Variants in TUSC3 observed in about 807,000 individuals in gnomAD.
The protein encoded by TUSC3 is dolichyl-diphosphooligosaccharide--protein glycosyltransferase subunit TUSC3.
Under a neutral mutation model 44.8 loss-of-function variants are expected in TUSC3, and 45 were observed. The ratio of observed to expected loss-of-function variants is 1.00; its 90% CI spans 0.79 to 1.29. The LOEUF is 1.29. Ranked by LOEUF, TUSC3 falls within the 50% of genes most tolerant of loss-of-function variation. The pLI is 0.00. For missense variants in TUSC3, 519 were observed against 437.9 expected (o/e 1.19, Z -1.65); for synonymous variants, 212 against 152.9 (o/e 1.39, Z -2.85).
chr8:15,459,154 G>C lies in TUSC3; in HGVS notation n.92-24232G>C, dbSNP rs138661212. Among the ~76,000 whole-genome samples, 547 of 152,206 alleles carry C rather than the reference G, an allele frequency of 3.6e-3. 1 individual carries two copies. Among genetic ancestry groups the C allele is most frequent in the African/African-American group, 0.012 (509 of 41,520 alleles). ...AAAGTCCTGCAAATATGACAAAAGT[G>C]ACATGACAAAGCTTCATCACTATGA... is the stretch of plus-strand genomic sequence containing the variant. On this transcript the variant is annotated intron_variant and non_coding_transcript_variant, in intron 1 of 5. Coordinates refer to the TUSC3 transcript ENST00000503191.
At chr8:15,792,006 TA>T in the TUSC3 span, among the ~76,000 whole-genome samples, 6 of 151,646 alleles carry the variant, frequency 4.0e-5, no homozygotes, top group Admixed American at 6.6e-5. Flanking sequence ...CTTTCTAACA[TA>T]AAAAAAAGCC....
chr8:15,623,259 G>T lies in TUSC3; in HGVS notation c.308+10G>T, dbSNP rs780176644. On this transcript the variant is annotated intron_variant, in intron 2 of 10. Transcript: ENST00000503731. ...AGTGTTCTGTGTGCAGGTAATTTAT[G>T]TAATTAAAAAATATTAAAAACTATT... 1.9e-6 allele frequency: 3 copies of T among 1,574,180 alleles called. No homozygotes were observed. Among genetic ancestry groups the T allele is most frequent in the East Asian group, 2.3e-5 (1 of 44,104 alleles).
the TUSC3 span, among the ~76,000 whole-genome samples, chr8:15,772,186 A>G: frequency 2.0e-5 from 3 of 152,116 alleles, no homozygotes; most frequent in Non-Finnish European, 4.4e-5. Context: ...AAGCAGATGT[A>G]TAGAAATAAA....
the TUSC3 span, among the ~76,000 whole-genome samples, chr8:15,831,912 G>C: frequency 6.6e-6 from 1 of 152,036 alleles, no homozygotes; most frequent in Non-Finnish European, 1.5e-5. Flanking sequence ...TAGCTAGACA[G>C]GCCAACATTC....
chr8:15,442,994 C>T (rs1800040545), intron 1 of TUSC3, among the ~76,000 whole-genome samples: 1 of 152,116 alleles, frequency 6.6e-6, no homozygotes, highest in African/African-American at 2.4e-5. Context: ...CTTGATGTTT[C>T]CCTTTTATAA....
intron 10 of TUSC3, among the ~76,000 whole-genome samples, chr8:15,760,507 AC>A (rs1421533113): frequency 1.3e-5 from 2 of 152,146 alleles, no homozygotes; most frequent in Non-Finnish European, 2.9e-5. Context: ...TTAATACAAG[AC>A]TAAGTAACTG....
intron 1 of TUSC3, among the ~76,000 whole-genome samples, chr8:15,419,585 T>C (rs1260756676): frequency 6.6e-6 from 1 of 152,186 alleles, no homozygotes; most frequent in Non-Finnish European, 1.5e-5. Flanking sequence ...CGGTTATACG[T>C]GTGTGAAAAA....
chr8:15,645,059 A>G (rs376505723), intron 2 of TUSC3, among the ~76,000 whole-genome samples: 2 of 152,130 alleles, frequency 1.3e-5, no homozygotes, highest in African/African-American at 4.8e-5. Context: ...TAATAGTCTC[A>G]TATGTTTTCC....
At chr8:15,787,811 T>G in the TUSC3 span, among the ~76,000 whole-genome samples, 1 of 152,226 alleles carries the variant, frequency 6.6e-6, no homozygotes, top group Non-Finnish European at 1.5e-5. Flanking sequence ...ACCGTTCACG[T>G]AATTTCTTCC....
At chr8:15,484,120 T>A (rs528667714) in intron 2 of TUSC3, among the ~76,000 whole-genome samples, 37 of 152,324 alleles carry the variant, frequency 2.4e-4, no homozygotes, top group South Asian at 1.9e-3. Flanking sequence ...ACCATAAATT[T>A]TCTAATTGTT....
intron 1 of TUSC3, among the ~76,000 whole-genome samples, chr8:15,543,557 A>G (rs182080079): frequency 3.9e-5 from 6 of 152,148 alleles, no homozygotes; most frequent in Non-Finnish European, 7.4e-5. Context: ...TATTATGTAT[A>G]CATGTATGTA....
At chr8:15,635,809 G>GCC (rs1428919034) in intron 2 of TUSC3, among the ~76,000 whole-genome samples, 1 of 152,158 alleles carries the variant, frequency 6.6e-6, no homozygotes, top group Non-Finnish European at 1.5e-5. Flanking sequence ...CAGTAATGGA[G>GCC]CCAGGTAGCA....
chr8:15,520,391 A>G (rs17121601), intron 2 of TUSC3, among the ~76,000 whole-genome samples: 6,556 of 152,276 alleles, frequency 0.043, 416 homozygotes, highest in African/African-American at 0.14. Context: ...GAAAGCCTTC[A>G]TCTCCTCATT....
At chr8:15,527,603 C>T (rs899552368) in intron 2 of TUSC3, among the ~76,000 whole-genome samples, 7 of 152,124 alleles carry the variant, frequency 4.6e-5, no homozygotes, top group African/African-American at 7.2e-5. Flanking sequence ...TATGGTCTTA[C>T]TGTGTTGACC....
chr8:15,426,527 A>T (rs564909912), intron 1 of TUSC3, among the ~76,000 whole-genome samples: 1 of 152,314 alleles, frequency 6.6e-6, no homozygotes, highest in Admixed American at 6.5e-5. Flanking sequence ...TTATTTCACT[A>T]AGCATAATGT....
intron 7 of TUSC3, among the ~76,000 whole-genome samples, chr8:15,732,979 A>G (rs1253169057): frequency 6.6e-6 from 1 of 152,208 alleles, no homozygotes; most frequent in Non-Finnish European, 1.5e-5. Flanking sequence ...TTCAAAATTA[A>G]GAAACTACTG....
chr8:15,719,440 C>A (rs1466882182), intron 6 of TUSC3, among the ~76,000 whole-genome samples: 1 of 151,698 alleles, frequency 6.6e-6, no homozygotes, highest in African/African-American at 2.4e-5. Context: ...GACTCCCTTA[C>A]TTTTTTCTGC....
chr8:15,748,789 G>A (rs1418553685), intron 9 of TUSC3: 1 of 525,454 alleles, frequency 1.9e-6, no homozygotes, highest in Admixed American at 2.0e-5. Context: ...TCATTTGCAA[G>A]ATTGTTTTCT....
chr8:15,440,135 G>T (rs575918024), intron 1 of TUSC3, among the ~76,000 whole-genome samples: 3 of 152,252 alleles, frequency 2.0e-5, no homozygotes, highest in African/African-American at 7.2e-5. Context: ...CTATGATTTT[G>T]GGCTGGGATT....
Sources: allele counts gnomAD v4.1 joint callset (sites outside exome capture counted in the v4.1 genomes callset), GRCh38; gene constraint gnomAD v4.1.1; transcripts MANE v1.5; gene names NCBI Gene and HGNC (gene_info 2026-07-23, HGNC 2026-07-21).